The following MCPH1 variants were observed in gnomAD, a reference collection of about 807,000 sequenced individuals.
MCPH1 encodes the protein microcephalin.
Under a neutral mutation model 84.5 loss-of-function variants are expected in MCPH1, and 104 were observed. The observed-to-expected ratio is 1.23, with a 90% confidence interval of 1.05 to 1.45. The LOEUF is 1.45. Among genes scored for constraint, MCPH1 ranks in the 40% most tolerant of loss-of-function variants. MCPH1 has a pLI of 0.00. For missense variants in MCPH1, 1,498 were observed against 1,005.7 expected (o/e 1.49, Z -6.62); for synonymous variants, 514 against 366.8 (o/e 1.40, Z -4.58).
In MCPH1 at chr8:6,427,566, A is replaced by T. The variant is rs187226087; in HGVS notation, c.234-3933A>T. Among the ~76,000 whole-genome samples the T allele has an allele frequency of 4.2e-3, 642 of 151,754 alleles. 3 individuals are homozygous for T. The highest frequency in any genetic ancestry group is 0.01 in the Middle Eastern group (3 of 294). ...TATTTTTATTTTTATTTTTGTAGAG[A>T]CGGCATTCTTGCTACGTTGCCCCCA... On this transcript the variant is annotated intron_variant, in intron 3 of 13. Transcript: ENST00000344683.
rs144927604 is a variant in MCPH1, at chr8:6,454,439, T to C, written c.1826-704T>C. Among the ~76,000 whole-genome samples, 423 of 152,324 alleles carry C rather than the reference T, an allele frequency of 2.8e-3. 4 individuals are homozygous for C. Among genetic ancestry groups the C allele is most frequent in the African/African-American group, 9.8e-3 (406 of 41,570 alleles). On this transcript the variant is annotated intron_variant, in intron 8 of 13. Transcript: ENST00000344683. The stretch of plus-strand genomic sequence containing the variant: ...TTAGCTCCTCCTTCAAAATCCCATG[T>C]AAGTCATAAAGTAGGCAAACTGTTT...
chr8:6,557,275 C>T (rs951897603), intron 12 of MCPH1, among the ~76,000 whole-genome samples: 10 of 152,004 alleles, frequency 6.6e-5, no homozygotes, highest in African/African-American at 2.2e-4. Context: ...TAGCATGCCC[C>T]GTGTTTATAA....
intron 9 of MCPH1, among the ~76,000 whole-genome samples, chr8:6,467,306 A>G (rs985605060): frequency 1.3e-5 from 2 of 152,136 alleles, no homozygotes; most frequent in Non-Finnish European, 2.9e-5. Flanking sequence ...GTGATTTTCA[A>G]TTTTGAAAAC....
At chr8:6,442,002 G>T (rs1038957990) in intron 6 of MCPH1, 65 bp from the exon 7 acceptor site, 3 of 1,112,750 alleles carry the variant, frequency 2.7e-6, no homozygotes. Context: ...AGGACTTCCT[G>T]CTGGCTTCAT....
At chr8:6,440,649 T>A (rs2129555156) in intron 6 of MCPH1, among the ~76,000 whole-genome samples, 1 of 152,356 alleles carries the variant, frequency 6.6e-6, no homozygotes, top group East Asian at 1.9e-4. Flanking sequence ...GTAGCCTTTT[T>A]CAGTCGGAAG....
chr8:6,625,327 G>A lies in MCPH1; in HGVS notation c.2452+3636G>A, dbSNP rs1314085917. On this transcript the variant is annotated intron_variant, in intron 13 of 13. Transcript: ENST00000344683. ...GTAGGCTTCTTAAGTGTGGCAGATT[G>A]ACGGTATCCATGGATGTGTCCTCAT... 6.1e-6 allele frequency: 6 copies of A among 985,344 alleles called. No individual in the cohort carries two copies. In the African/African-American group the frequency reaches 1.0e-4, roughly 17 times the overall value. The allele number at this position is 985,344 out of a possible 1,614,324, so 61.0% of individuals were successfully genotyped here. A position where few individuals can be genotyped will look rare whatever the true frequency, so the allele number is the denominator to read the frequency against.
At chr8:6,463,812 G>A (rs1318285872) in intron 9 of MCPH1, among the ~76,000 whole-genome samples, 1 of 152,202 alleles carries the variant, frequency 6.6e-6, no homozygotes, top group African/African-American at 2.4e-5. Flanking sequence ...CTGTAATGGA[G>A]ACACTAATAT....
chr8:6,425,329 A>C (rs976607892), intron 3 of MCPH1, among the ~76,000 whole-genome samples: 5 of 152,190 alleles, frequency 3.3e-5, no homozygotes, highest in African/African-American at 9.7e-5. Context: ...TACATTTCTG[A>C]AGAAAAATAG....
At chr8:6,552,682 A>G (rs1823863036) in intron 12 of MCPH1, among the ~76,000 whole-genome samples, 1 of 152,200 alleles carries the variant, frequency 6.6e-6, no homozygotes, top group Non-Finnish European at 1.5e-5. Context: ...TCTTATTTGA[A>G]ACACATAATA....
chr8:6,430,817 G>A (rs1351116664), intron 3 of MCPH1, among the ~76,000 whole-genome samples: 1 of 152,222 alleles, frequency 6.6e-6, no homozygotes, highest in Non-Finnish European at 1.5e-5. Context: ...TTTCAGGAAT[G>A]TATGAGTGAA....
intron 6 of MCPH1, among the ~76,000 whole-genome samples, chr8:6,440,103 A>C (rs1203160433): frequency 6.6e-6 from 1 of 152,096 alleles, no homozygotes; most frequent in Admixed American, 6.5e-5. Context: ...GTTGTTGTAG[A>C]CCTATTTTTG....
At chr8:6,415,295 C>CTTTTTTTTTTT (rs55718615) in intron 3 of MCPH1, among the ~76,000 whole-genome samples, 3 of 145,258 alleles carry the variant, frequency 2.1e-5, no homozygotes, top group African/African-American at 7.7e-5. Flanking sequence ...TTGGTATCTT[C>CTTTTTTTTTTT]TTTTTTTTTT....
intron 3 of MCPH1, among the ~76,000 whole-genome samples, chr8:6,430,201 C>T (rs1385601932): frequency 1.3e-5 from 2 of 152,198 alleles, no homozygotes; most frequent in Non-Finnish European, 2.9e-5. Context: ...TTGTACTTCT[C>T]TTGTTACAAT....
At chr8:6,601,907 G>A (rs1829405144) in intron 12 of MCPH1, among the ~76,000 whole-genome samples, 1 of 152,170 alleles carries the variant, frequency 6.6e-6, no homozygotes, top group African/African-American at 2.4e-5. Flanking sequence ...TCATAGTAAT[G>A]TTTTTATATC....
chr8:6,434,552 T>A (rs1412317419), intron 4 of MCPH1, among the ~76,000 whole-genome samples: 1 of 152,232 alleles, frequency 6.6e-6, no homozygotes, highest in Non-Finnish European at 1.5e-5. Context: ...TATGTTTATT[T>A]GCTGTCATTC....
At chr8:6,620,476 G>T (rs1205360676) in intron 12 of MCPH1, among the ~76,000 whole-genome samples, 1 of 152,050 alleles carries the variant, frequency 6.6e-6, no homozygotes, top group Non-Finnish European at 1.5e-5. Flanking sequence ...TCCGAGGTCA[G>T]CCTTGCCTGC....
Position 6,445,228 on chromosome 8 carries a change from C to T in MCPH1, c.1506C>T (p.Ala502=). 2.5e-6 allele frequency: 4 copies of T among 1,614,196 alleles called. No individual in the cohort carries two copies. Among genetic ancestry groups the T allele is most frequent in the Non-Finnish European group, 3.4e-6 (4 of 1,180,042 alleles). ...GRATSSCVTS[A]PEEALRCCRQ... The stretch of plus-strand genomic sequence containing the variant: ...CAACTTCGAGTTGCGTGACTTCTGC[C>T]CCTGAAGAAGCCCTAAGGTGTTGTA... Residue 502 remains alanine, a synonymous_variant, in exon 8 of 14, where the codon GCC becomes GCT. Coordinates refer to ENST00000344683, the MANE Select transcript of MCPH1 (RefSeq NM_024596.5).
intron 12 of MCPH1, among the ~76,000 whole-genome samples, chr8:6,515,456 T>C (rs1816071086): frequency 6.6e-6 from 1 of 152,214 alleles, no homozygotes; most frequent in Non-Finnish European, 1.5e-5. Flanking sequence ...TCTCTGTACA[T>C]AGCTCACTGC....
At chr8:6,530,149 A>T (rs1819191919) in intron 12 of MCPH1, among the ~76,000 whole-genome samples, 1 of 152,104 alleles carries the variant, frequency 6.6e-6, no homozygotes, top group Non-Finnish European at 1.5e-5. Flanking sequence ...GTTAGTATCA[A>T]AAGGTGGGGC....
Sources: gnomAD v4.1 joint callset for allele counts (sites outside exome capture counted in the v4.1 genomes callset) on GRCh38, gnomAD v4.1.1 for gene constraint, MANE v1.5 for transcripts, NCBI Gene and HGNC (gene_info 2026-07-23, HGNC 2026-07-21) for gene names.